The following CHD7 variants were observed in gnomAD, a reference collection of about 807,000 sequenced individuals.
CHD7 encodes the protein ATP-dependent chromatin remodeler CHD7.
CHD7 carries 24 observed loss-of-function variants against 307.3 expected under a neutral mutation model. The observed-to-expected ratio is 0.08, with a 90% CI of 0.06 to 0.11. The LOEUF is 0.11. CHD7 is among the 10% of genes least tolerant of loss of function. The pLI is 1.00. For synonymous variants in CHD7, 1,363 were observed against 1,349.9 expected (o/e 1.01, Z -0.21); for missense variants, 3,106 against 3,727.1 (o/e 0.83, Z 4.34).
chr8:60,818,554 A>G (rs114421344), intron 8 of CHD7, among the ~76,000 whole-genome samples: 1 of 152,206 alleles, frequency 6.6e-6, no homozygotes, highest in Non-Finnish European at 1.5e-5. Flanking sequence ...TAATACACTA[A>G]TACTTTATAT....
intron 6 of CHD7, among the ~76,000 whole-genome samples, chr8:60,806,605 G>A (rs750141960): frequency 2.0e-4 from 30 of 152,282 alleles, no homozygotes; most frequent in South Asian, 4.1e-4. Context: ...TAGTTATTAC[G>A]TTTCATAGAT....
chr8:60,801,957 T>C (rs1812334194), intron 6 of CHD7, among the ~76,000 whole-genome samples: 1 of 152,180 alleles, frequency 6.6e-6, no homozygotes, highest in Non-Finnish European at 1.5e-5. Flanking sequence ...CCCTCTTTCA[T>C]GTTAGGATGG....
intron 11 of CHD7, 34 bp from the exon 12 acceptor site, chr8:60,822,469 C>T (rs1404508057): frequency 5.6e-6 from 9 of 1,604,184 alleles, no homozygotes; most frequent in Non-Finnish European, 6.8e-6. Flanking sequence ...TATCCATACT[C>T]ATTAAACTTT....
In CHD7 at chr8:60,795,036, A is replaced by T. The variant is rs777635988; in HGVS notation, c.2147A>T (p.Lys716Met). ...EASALKKKVN[K>M]GKTEGSENSD... Reference sequence around the variant, plus strand: ...AGTGCTTTGAAGAAAAAGGTCAACAAGGGAAAAACAGAAGGTTCTGAAAAT... The same window carrying T: ...AGTGCTTTGAAGAAAAAGGTCAACATGGGAAAAACAGAAGGTTCTGAAAAT... The change falls in exon 4 of 38, where the codon AAG becomes ATG. Residue 716 changes from lysine (K) to methionine (M), a missense_variant. Physicochemically the swap from Lys to Met is moderately conservative, Grantham distance 95. Coordinates refer to ENST00000423902, the MANE Select transcript of CHD7 (RefSeq NM_017780.4). The T allele has an allele frequency of 4.3e-5, 69 of 1,613,714 alleles. No individual in the cohort carries two copies. The highest frequency in any genetic ancestry group is 5.0e-5 in the Non-Finnish European group (59 of 1,179,784).
At chr8:60,701,576 C>CT (rs1806763128) in intron 1 of CHD7, among the ~76,000 whole-genome samples, 2 of 152,152 alleles carry the variant, frequency 1.3e-5, no homozygotes, top group African/African-American at 4.8e-5. Context: ...ATAGTTCTTT[C>CT]TTTTATGTAA....
chr8:60,848,870 A>G (rs1253871030), intron 24 of CHD7, among the ~76,000 whole-genome samples, 181 bp from the exon 25 acceptor site: 2 of 152,150 alleles, frequency 1.3e-5, no homozygotes, highest in African/African-American at 2.4e-5. Context: ...CCATGTGATA[A>G]AGTTCATTTC....
intron 2 of CHD7, among the ~76,000 whole-genome samples, chr8:60,750,718 C>T (rs1809602396): frequency 1.3e-5 from 2 of 152,336 alleles, no homozygotes; most frequent in Admixed American, 1.3e-4. Flanking sequence ...TGAGCTGCAT[C>T]TCAGTTGCTC....
At chr8:60,855,494 G>A (rs1184463203) in intron 32 of CHD7, among the ~76,000 whole-genome samples, 1 of 152,210 alleles carries the variant, frequency 6.6e-6, no homozygotes, top group Non-Finnish European at 1.5e-5. Context: ...ACTTCATAAT[G>A]CTGAACTTTA....
chr8:60,795,381 T>G (rs1811976355), intron 4 of CHD7, among the ~76,000 whole-genome samples: 1 of 152,210 alleles, frequency 6.6e-6, no homozygotes. Context: ...GATTCTTCAT[T>G]TATTTCTGTA....
At chr8:60,798,680 AT>A (rs1812146398) in intron 4 of CHD7, among the ~76,000 whole-genome samples, 1 of 152,102 alleles carries the variant, frequency 6.6e-6, no homozygotes, top group Non-Finnish European at 1.5e-5. Flanking sequence ...AAAAAGTGTT[AT>A]TTCATAATTC....
In CHD7 at chr8:60,865,746, A is replaced by G. The variant is rs538431512; in HGVS notation, c.8807A>G (p.Glu2936Gly). Reference sequence around the variant, plus strand: ...CAGAATGCCGTGGGCTCCAGCGAAGAAAAGGCTGCTGACAAGGCTGAGGGA... The same window carrying G: ...CAGAATGCCGTGGGCTCCAGCGAAGGAAAGGCTGCTGACAAGGCTGAGGGA... ...GLQNAVGSSEEKAADKAEGGP... is the reference protein window; with the variant it reads ...GLQNAVGSSEGKAADKAEGGP... The change falls in exon 38 of 38, where the codon GAA becomes GGA. Residue 2936 changes from glutamate to glycine, a missense_variant. Around this residue, in one of 10 missense-constraint regions of CHD7, gnomAD observed 351 missense variants for 366.2 expected, o/e 0.96. Transcript: ENST00000423902. The surrounding 1 kb of genome is among the most constrained non-coding windows in gnomAD (Gnocchi z 4.3). 6.2e-7 allele frequency: 1 copy of G among 1,612,154 alleles called. No individual in the cohort carries two copies. Among genetic ancestry groups the G allele is most frequent in the African/African-American group, 1.3e-5 (1 of 74,916 alleles).
At chr8:60,735,112 A>G (rs1808635933) in intron 1 of CHD7, among the ~76,000 whole-genome samples, 1 of 152,208 alleles carries the variant, frequency 6.6e-6, no homozygotes, top group South Asian at 2.1e-4. Context: ...TCAAACTGCA[A>G]GCTGCACGAG....
rs763545673 is a variant in CHD7 at position 60,750,238 on chromosome 8, CT to C, written c.1665+7145del. Among the ~76,000 whole-genome samples, 3 of 152,204 alleles carry C rather than the reference CT, an allele frequency of 2.0e-5. No individual in the cohort carries two copies. In the South Asian group the frequency reaches 6.2e-4, roughly 31 times the overall value. ...CAATTGATATTCTTAAAAGAAGCCA[CT>C]TTTGGTGCTGCATTTTCATCTTGGT... On this transcript the variant is annotated intron_variant, in intron 2 of 37. Coordinates refer to ENST00000423902, the MANE Select transcript of CHD7 (RefSeq NM_017780.4).
intron 2 of CHD7, among the ~76,000 whole-genome samples, chr8:60,775,791 T>C (rs1383487366): frequency 6.6e-6 from 1 of 152,224 alleles, no homozygotes; most frequent in Non-Finnish European, 1.5e-5. Context: ...GGAGTCTTGC[T>C]CTGTTGCCTA....
In CHD7 at chr8:60,742,549, C is replaced by T. The variant is rs371635934; in HGVS notation, c.1117C>T (p.Leu373Phe). 43 of 1,613,908 alleles carry T rather than the reference C, an allele frequency of 2.7e-5. No individual in the cohort carries two copies. Among genetic ancestry groups the T allele is most frequent in the Non-Finnish European group, 3.4e-5 (40 of 1,179,904 alleles). Residue 373 changes from leucine to phenylalanine, a missense_variant, in exon 2 of 38, where the codon CTT (leucine) becomes TTT (phenylalanine). Transcript: ENST00000423902. ...HQQPIHPSGS[L>F]NQMNTQTMHP... ...GCAGCCCATCCACCCCAGTGGCTCA[C>T]TTAACCAAATGAACACACAAACTAT...
chr8:60,800,693 A>T (rs987031839), intron 5 of CHD7, among the ~76,000 whole-genome samples, 168 bp downstream of exon 5: 1 of 152,246 alleles, frequency 6.6e-6, no homozygotes, highest in Non-Finnish European at 1.5e-5. Flanking sequence ...AATATCTTTT[A>T]AAAAGCCCTG....
intron 3 of CHD7, among the ~76,000 whole-genome samples, chr8:60,782,092 A>G (rs551038413): frequency 1.3e-5 from 2 of 152,338 alleles, no homozygotes; most frequent in South Asian, 2.1e-4. Context: ...AGGAGAAGAC[A>G]TTGAAGACTA....
intron 1 of CHD7, among the ~76,000 whole-genome samples, chr8:60,683,182 T>TA (rs1805715426): frequency 6.6e-6 from 1 of 152,246 alleles, no homozygotes; most frequent in Non-Finnish European, 1.5e-5. Flanking sequence ...GTTCAGGAGA[T>TA]ACTATTTTCC....
At chr8:60,858,219 G>A (rs140289136) in intron 34 of CHD7, among the ~76,000 whole-genome samples, 1,795 of 152,300 alleles carry the variant, frequency 0.012, 22 homozygotes, top group Non-Finnish European at 0.018. Context: ...TTGCATCACT[G>A]CACTCCAGCC....
Sources: allele counts gnomAD v4.1 joint callset (sites outside exome capture counted in the v4.1 genomes callset), GRCh38; gene constraint gnomAD v4.1.1; regional missense constraint gnomAD v4.1.1; non-coding constraint Gnocchi (gnomAD v3.1); transcripts MANE v1.5; gene names NCBI Gene and HGNC (gene_info 2026-07-23, HGNC 2026-07-21).